The following KCNH7 variants were observed in gnomAD, a reference collection of about 807,000 sequenced individuals.
KCNH7 encodes the protein voltage-gated inwardly rectifying potassium channel KCNH7.
A neutral mutation model predicts 120.8 loss-of-function variants in KCNH7; 49 were observed. The ratio of observed to expected loss-of-function variants is 0.41; its 90% CI spans 0.32 to 0.51. KCNH7 has a LOEUF of 0.51. Among genes scored for constraint, KCNH7 ranks in the 20% least tolerant of loss-of-function variants. KCNH7 has a pLI of 0.38. For missense variants in KCNH7, 1,097 were observed against 1,446.6 expected, an observed-to-expected ratio of 0.76 and a Z score of 3.92; for synonymous variants, 547 against 516.1, an observed-to-expected ratio of 1.06 and a Z score of -0.81.
intron 2 of KCNH7, among the ~76,000 whole-genome samples, chr2:162,698,911 G>A (rs974495238): frequency 1.3e-5 from 2 of 151,912 alleles, no homozygotes; most frequent in African/African-American, 4.8e-5. Flanking sequence ...TACTATGTGG[G>A]AAAATATTTT....
At position 162,390,780 on chromosome 2, in the gene KCNH7, G is replaced by T. The variant is rs539114396; in HGVS notation, c.2710+3609C>A. Among the ~76,000 whole-genome samples the T allele has an allele frequency of 3.9e-5, 6 of 152,076 alleles. No homozygotes were observed. In the South Asian group the frequency reaches 8.3e-4, roughly 21 times the overall value. On this transcript the variant is annotated intron_variant, in intron 12 of 15. Transcript: ENST00000332142. Reference sequence around the variant, plus strand: ...TGCACTTACAAGTCTCTCCTGTAGGGAAGTGGGATTTTTCCTTAGAAAAAA... The same window carrying T: ...TGCACTTACAAGTCTCTCCTGTAGGTAAGTGGGATTTTTCCTTAGAAAAAA...
intron 6 of KCNH7, among the ~76,000 whole-genome samples, chr2:162,471,109 G>C (rs185523401): frequency 1.3e-5 from 2 of 152,180 alleles, no homozygotes; most frequent in Non-Finnish European, 2.9e-5. Context: ...CAAACACTGC[G>C]GAGGGCCGCA....
chr2:162,674,449 G>A (rs1465880243), intron 2 of KCNH7, among the ~76,000 whole-genome samples: 1 of 151,620 alleles, frequency 6.6e-6, no homozygotes, highest in African/African-American at 2.4e-5. Flanking sequence ...ATCCATGTAA[G>A]TACAATAAAA....
chr2:162,782,125 T>C (rs996513874), intron 2 of KCNH7, among the ~76,000 whole-genome samples: 2 of 152,238 alleles, frequency 1.3e-5, no homozygotes, highest in Non-Finnish European at 2.9e-5. Context: ...CACATACTTG[T>C]AACATTGCTA....
intron 6 of KCNH7, among the ~76,000 whole-genome samples, chr2:162,461,931 A>T (rs1689159949): frequency 6.6e-6 from 1 of 152,168 alleles, no homozygotes; most frequent in Admixed American, 6.5e-5. Context: ...TTTCCCTGCA[A>T]GTGATGAAAT....
chr2:162,772,500 G>A (rs182610329), intron 2 of KCNH7, among the ~76,000 whole-genome samples: 1 of 151,040 alleles, frequency 6.6e-6, no homozygotes, highest in African/African-American at 2.4e-5. Flanking sequence ...AATTAATTCA[G>A]TATTGTACAT....
At chr2:162,836,827 C>G in intron 1 of KCNH7, 60 bp from the exon 2 acceptor site, 1 of 1,216,626 alleles carries the variant, frequency 8.2e-7, no homozygotes, top group Non-Finnish European at 1.2e-6. Flanking sequence ...CTCCGTAACA[C>G]TGAAGCAATT....
intron 9 of KCNH7, among the ~76,000 whole-genome samples, chr2:162,403,847 C>A (rs908465375): frequency 3.3e-5 from 5 of 151,802 alleles, no homozygotes; most frequent in East Asian, 3.9e-4. Context: ...TGGGTTCTGT[C>A]TAAGTAAAGA....
intron 14 of KCNH7, among the ~76,000 whole-genome samples, chr2:162,378,081 C>T (rs780466909): frequency 1.3e-5 from 2 of 152,108 alleles, no homozygotes; most frequent in Non-Finnish European, 1.5e-5. Flanking sequence ...AGGAATTATA[C>T]GTAGAGTAGG....
chr2:162,484,711 C>G (rs577391846), intron 6 of KCNH7, among the ~76,000 whole-genome samples: 27 of 152,262 alleles, frequency 1.8e-4, no homozygotes, highest in Non-Finnish European at 2.9e-4. Context: ...GCAGATCCCT[C>G]ATGAATGGCC....
At chr2:162,381,066 C>G (rs948202462) in intron 13 of KCNH7, among the ~76,000 whole-genome samples, 2 of 151,972 alleles carry the variant, frequency 1.3e-5, no homozygotes, top group African/African-American at 4.8e-5. Flanking sequence ...TGAAAAAATA[C>G]AACTGGAGCT....
chr2:162,373,415 A>G (rs758545365), intron 15 of KCNH7, 55 bp downstream of exon 15: 25 of 1,227,594 alleles, frequency 2.0e-5, no homozygotes, highest in Non-Finnish European at 2.7e-5. Context: ...TGATTAGGTG[A>G]CCCCTGGAAA....
chr2:162,784,643 A>T (rs533209010), intron 2 of KCNH7: 100 of 152,234 alleles, frequency 6.6e-4, no homozygotes, highest in African/African-American at 2.2e-3. Flanking sequence ...AAGAACCACC[A>T]CCTGCAAACT....
At position 162,384,996 on chromosome 2, in the gene KCNH7, C is replaced by T. The variant is rs553660019; in HGVS notation, c.2711-57G>A. On this transcript the variant is annotated intron_variant, in intron 12 of 15. Coordinates refer to ENST00000332142, the MANE Select transcript of KCNH7 (RefSeq NM_033272.4). Reference sequence around the variant, plus strand: ...TTATAGCAGACAATTAAATGTGAGACGGTATGCATATTACACTACCTAGCT... The same window carrying T: ...TTATAGCAGACAATTAAATGTGAGATGGTATGCATATTACACTACCTAGCT... 9.4e-5 allele frequency: 131 copies of T among 1,400,470 alleles called. No individual in the cohort carries two copies. In the East Asian group the frequency reaches 1.1e-3, roughly 11 times the overall value. 86.8% of individuals were successfully genotyped at this position (1,400,470 alleles called of 1,614,324 possible).
chr2:162,470,443 C>T (rs1021512828), intron 6 of KCNH7, among the ~76,000 whole-genome samples: 1 of 146,168 alleles, frequency 6.8e-6, no homozygotes, highest in African/African-American at 2.4e-5. Context: ...GCCGCCCCGT[C>T]TGAGAAGTGA....
chr2:162,438,577 T>C (rs901426091), intron 7 of KCNH7, among the ~76,000 whole-genome samples: 1 of 152,184 alleles, frequency 6.6e-6, no homozygotes, highest in African/African-American at 2.4e-5. Context: ...GTAGTAATTA[T>C]GTCTCTCAGT....
chr2:162,741,629 AC>A (rs1688141584), intron 2 of KCNH7, among the ~76,000 whole-genome samples: 1 of 152,106 alleles, frequency 6.6e-6, no homozygotes, highest in Non-Finnish European at 1.5e-5. Flanking sequence ...TCAAGTATGA[AC>A]ATGTCAGCTT....
intron 2 of KCNH7, among the ~76,000 whole-genome samples, chr2:162,629,317 T>A (rs907695619): frequency 1.7e-4 from 26 of 152,104 alleles, no homozygotes; most frequent in Non-Finnish European, 3.8e-4. Context: ...TGGCCATTAC[T>A]TCCCCCACCA....
At position 162,536,213 on chromosome 2, in the gene KCNH7, G is replaced by A. The variant is rs535547511; in HGVS notation, c.463+712C>T. On this transcript the variant is annotated intron_variant, in intron 3 of 15. Coordinates refer to ENST00000332142, the MANE Select transcript of KCNH7 (RefSeq NM_033272.4). ...AAAAATTATGAAAAAGATAAAAGAC[G>A]CATTATTTTCTAGGTAAGCTATTTG... Among the ~76,000 whole-genome samples, 16 of 151,858 alleles carry A rather than the reference G, an allele frequency of 1.1e-4. No individual in the cohort carries two copies. The East Asian group carries it at 1.2e-3, about 11-fold the overall frequency.
Sources: gnomAD v4.1 joint callset for allele counts (sites outside exome capture counted in the v4.1 genomes callset) on GRCh38, gnomAD v4.1.1 for gene constraint, MANE v1.5 for transcripts, NCBI Gene and HGNC (gene_info 2026-07-23, HGNC 2026-07-21) for gene names.